Variants in SVBP observed in about 807,000 individuals in gnomAD.
The protein encoded by SVBP is small vasohibin-binding protein.
Under a neutral mutation model 9.2 loss-of-function variants are expected in SVBP, and 9 were observed. The ratio of observed to expected loss-of-function variants is 0.98; its 90% confidence interval spans 0.59 to 1.71. The LOEUF (loss-of-function observed/expected upper bound fraction) is 1.71, where lower values mean the gene tolerates loss of function less well. Ranked by LOEUF, SVBP falls within the 40% of genes most tolerant of loss-of-function variation. The pLI is 0.00. For missense variants in SVBP, 63 were observed against 73.2 expected (o/e 0.86, Z 0.51); for synonymous variants, 27 against 23.9 (o/e 1.13, Z -0.37).
chr1:42,811,761 C>T (rs562521563), intron 2 of SVBP, among the ~76,000 whole-genome samples: 90 of 152,202 alleles, frequency 5.9e-4, no homozygotes, highest in African/African-American at 2.0e-3. Flanking sequence ...TCTTGTCCAA[C>T]GTCACATGGA....
At chr1:42,811,463 G>C (rs1654083314) in intron 2 of SVBP, among the ~76,000 whole-genome samples, 1 of 152,202 alleles carries the variant, frequency 6.6e-6, no homozygotes, top group Non-Finnish European at 1.5e-5. Context: ...GAGCTGCACG[G>C]GGCCAGCTGC....
chr1:42,815,978 A>C (rs998046433), intron 2 of SVBP, among the ~76,000 whole-genome samples: 1 of 152,214 alleles, frequency 6.6e-6, no homozygotes, highest in African/African-American at 2.4e-5. Context: ...GTAAAGTTTA[A>C]AGCTTTTTAT....
chr1:42,809,736 G>A (rs1257672391), intron 2 of SVBP, among the ~76,000 whole-genome samples: 1 of 152,110 alleles, frequency 6.6e-6, no homozygotes, highest in Non-Finnish European at 1.5e-5. Flanking sequence ...AACACAGAAT[G>A]CGGCTGATGA....
In SVBP at chr1:42,807,201, A is replaced by G; in HGVS notation, c.*213T>C. The G allele has an allele frequency of 3.0e-6, 1 of 336,936 alleles. No homozygotes were observed. Among genetic ancestry groups the G allele is most frequent in the Non-Finnish European group, 5.3e-6 (1 of 187,688 alleles). 20.9% of individuals were successfully genotyped at this position (336,936 alleles called of 1,614,324 possible). A position where few individuals can be genotyped will look rare whatever the true frequency, so the allele number is the denominator to read the frequency against. ...ACCCAAAAAACAAAACCACTGTCTTAGAAGAAGAAAACAAGTCTCTTCAGC... is the reference window on the plus strand; with the variant it reads ...ACCCAAAAAACAAAACCACTGTCTTGGAAGAAGAAAACAAGTCTCTTCAGC... On this transcript the variant is annotated 3_prime_UTR_variant, in exon 3 of 3. Coordinates refer to ENST00000372521, the MANE Select transcript of SVBP (RefSeq NM_199342.4).
Position 42,810,353 on chromosome 1 carries a change from G to A in SVBP, c.115-2853C>T, listed in dbSNP as rs561523196. On this transcript the variant is annotated intron_variant, in intron 2 of 2. Transcript: ENST00000372521. The stretch of plus-strand genomic sequence containing the variant: ...AGTAGAGACGGGATTTCACCATGTT[G>A]GCCAGGATGGTCTTGATCTCCTGAC... Among the ~76,000 whole-genome samples the A allele has an allele frequency of 8.8e-3, 1,340 of 152,066 alleles. 13 individuals carry two copies. The highest frequency in any genetic ancestry group is 0.018 in the South Asian group (86 of 4,808).
intron 2 of SVBP, chr1:42,813,616 G>T (rs1187110853): frequency 1.9e-6 from 1 of 529,738 alleles, no homozygotes; most frequent in African/African-American, 1.9e-5. Context: ...CTTTTGATTG[G>T]TGTGAGGTAA....
In SVBP at chr1:42,816,567, T is replaced by C. The variant is rs1557600795; in HGVS notation, c.-23A>G. ...CATGGCTTGACTTCTGGATATTTCT[T>C]AGGAGGCTCTGATCTGGGTGGTACA... On this transcript the variant is annotated 5_prime_UTR_variant, in exon 2 of 3. Coordinates refer to ENST00000372521, the MANE Select transcript of SVBP (RefSeq NM_199342.4). The C allele has an allele frequency of 6.6e-7, 1 of 1,523,472 alleles. No individual in the cohort carries two copies. Among genetic ancestry groups the C allele is most frequent in the East Asian group, 2.2e-5 (1 of 44,448 alleles). 94.4% of individuals were successfully genotyped at this position (1,523,472 alleles called of 1,614,324 possible).
At chr1:42,808,139 G>GTATA (rs1371619424) in intron 2 of SVBP, among the ~76,000 whole-genome samples, 2 of 36,222 alleles carry the variant, frequency 5.5e-5, no homozygotes, top group South Asian at 1.3e-3. Flanking sequence ...AATATAGTGT[G>GTATA]TGTGTGTGTG....
intron 2 of SVBP, among the ~76,000 whole-genome samples, chr1:42,810,117 T>C (rs201348906): frequency 1.9e-3 from 209 of 112,694 alleles, no homozygotes; most frequent in African/African-American, 7.8e-3. Flanking sequence ...CACACACACA[T>C]ACATACATAC....
At chr1:42,816,743 A>G in intron 1 of SVBP, 163 bp from the exon 2 acceptor site, 1 of 534,900 alleles carries the variant, frequency 1.9e-6, no homozygotes, top group East Asian at 3.3e-5. Flanking sequence ...ACCGAGTCCC[A>G]AGGCCACAAC....
chr1:42,808,652 TCATA>T (rs1654018497), intron 2 of SVBP, among the ~76,000 whole-genome samples: 1 of 149,376 alleles, frequency 6.7e-6, no homozygotes, highest in South Asian at 2.1e-4. Context: ...TATATATAGC[TCATA>T]TATATAAGCT....
intron 2 of SVBP, 155 bp downstream of exon 2, chr1:42,816,276 C>G (rs1654204569): frequency 3.5e-6 from 2 of 570,720 alleles, no homozygotes; most frequent in Non-Finnish European, 3.1e-6. Context: ...CCTCACCATT[C>G]TGAACCTCAG....
At position 42,807,499 on chromosome 1, in the gene SVBP, A is replaced by T; in HGVS notation, c.116T>A (p.Ile39Asn). 1.9e-6 allele frequency: 3 copies of T among 1,612,106 alleles called. No individual in the cohort carries two copies. Among genetic ancestry groups the T allele is most frequent in the Non-Finnish European group, 2.5e-6 (3 of 1,178,220 alleles). Residue 39 changes from isoleucine to asparagine, a missense_variant and splice_region_variant, in exon 3 of 3, where the codon ATC becomes AAC. By Grantham distance (149) the Ile-to-Asn change is moderately radical. Coordinates refer to ENST00000372521, the MANE Select transcript of SVBP (RefSeq NM_199342.4). ...TGTCATGACTCTGTTGAGGGCATAGATCTGAATGAGAGAAAGAGATACATC... is the reference window on the plus strand; with the variant it reads ...TGTCATGACTCTGTTGAGGGCATAGTTCTGAATGAGAGAAAGAGATACATC... ...QELKQRQRAE[I>N]YALNRVMTEL...
chr1:42,813,995 T>C (rs1160363670), intron 2 of SVBP: 1 of 184,220 alleles, frequency 5.4e-6, no homozygotes, highest in East Asian at 1.7e-4. Flanking sequence ...CTTGCTGGAA[T>C]GCAAGATCCA....
chr1:42,807,152 T>TG lies in SVBP; in HGVS notation c.*261dup, dbSNP rs1259998754. 34 of 261,706 alleles carry TG rather than the reference T, an allele frequency of 1.3e-4. No individual in the cohort carries two copies. The highest frequency in any genetic ancestry group is 5.0e-4 in the East Asian group (9 of 17,838). The allele number at this position is 261,706 out of a possible 1,614,324, so 16.2% of individuals were successfully genotyped here. On this transcript the variant is annotated 3_prime_UTR_variant, in exon 3 of 3. Coordinates refer to ENST00000372521, the MANE Select transcript of SVBP (RefSeq NM_199342.4). ...CAATAGAAAAAGTGTTTTTTGTGTG[T>TG]GTTTTTTTTTTTTTTTTAAAAAAAC...
At chr1:42,811,652 C>G (rs1044591573) in intron 2 of SVBP, among the ~76,000 whole-genome samples, 2 of 152,158 alleles carry the variant, frequency 1.3e-5, no homozygotes, top group African/African-American at 4.8e-5. Flanking sequence ...GGGCTTTACA[C>G]GTGGTATTTC....
chr1:42,807,878 T>C (rs1653993573), intron 2 of SVBP, among the ~76,000 whole-genome samples: 1 of 152,036 alleles, frequency 6.6e-6, no homozygotes, highest in African/African-American at 2.4e-5. Context: ...CCATCTCAGC[T>C]TAAAATCTAT....
intron 1 of SVBP, 140 bp downstream of exon 1, chr1:42,817,050 G>GGC: frequency 6.6e-5 from 11 of 165,682 alleles, no homozygotes; most frequent in Non-Finnish European, 1.3e-4. Context: ...AGCCGGGCCC[G>GGC]CCCCCCACCG....
intron 2 of SVBP, among the ~76,000 whole-genome samples, chr1:42,816,021 AG>A (rs1299671216): frequency 1.3e-5 from 2 of 152,228 alleles, no homozygotes; most frequent in Non-Finnish European, 2.9e-5. Context: ...GAGAGAACAA[AG>A]GAACACACTG....
Sources: allele counts gnomAD v4.1 joint callset (sites outside exome capture counted in the v4.1 genomes callset), GRCh38; gene constraint gnomAD v4.1.1; transcripts MANE v1.5; gene names NCBI Gene and HGNC (gene_info 2026-07-23, HGNC 2026-07-21).